The following LSAMP variants were observed in gnomAD, a reference collection of about 807,000 sequenced individuals.
LSAMP encodes limbic system associated membrane protein.
In LSAMP, 7 loss-of-function variants were observed where a neutral mutation model predicts 38.6. The observed-to-expected ratio is 0.18, with a 90% CI of 0.10 to 0.34. The LOEUF (loss-of-function observed/expected upper bound fraction) is 0.34, where lower values mean the gene tolerates loss of function less well. LSAMP is among the 10% of genes least tolerant of loss of function. The pLI is 1.00. For synonymous variants in LSAMP, 154 were observed against 166.8 expected, an observed-to-expected ratio of 0.92 and a Z score of 0.59; for missense variants, 313 against 420.0, an observed-to-expected ratio of 0.75 and a Z score of 2.23.
intron 1 of LSAMP, among the ~76,000 whole-genome samples, chr3:116,384,355 C>T (rs2048599095): frequency 6.6e-6 from 1 of 152,092 alleles, no homozygotes; most frequent in Admixed American, 6.6e-5. Context: ...TTGTTCTCAA[C>T]AGTCTGTACA....
At chr3:116,109,926 G>A (rs894040601) in intron 1 of LSAMP, among the ~76,000 whole-genome samples, 13 of 149,962 alleles carry the variant, frequency 8.7e-5, no homozygotes, top group South Asian at 6.3e-4. Flanking sequence ...GATGGGGTGC[G>A]GAAATAAGGG....
chr3:116,285,295 T>C (rs746169827), intron 1 of LSAMP, among the ~76,000 whole-genome samples: 3 of 152,112 alleles, frequency 2.0e-5, no homozygotes, highest in Non-Finnish European at 2.9e-5. Flanking sequence ...CCTATGTCTC[T>C]ACAGGAGGTG....
At chr3:116,319,088 A>G (rs529310551) in intron 1 of LSAMP, among the ~76,000 whole-genome samples, 2 of 152,242 alleles carry the variant, frequency 1.3e-5, no homozygotes, top group South Asian at 4.1e-4. Context: ...TAATGCAAAC[A>G]GTAATTAGTA....
intron 3 of LSAMP, among the ~76,000 whole-genome samples, chr3:115,960,337 G>A (rs905833618): frequency 6.6e-6 from 1 of 152,176 alleles, no homozygotes; most frequent in Non-Finnish European, 1.5e-5. Flanking sequence ...AGAAATGTGA[G>A]GAAATACATT....
intron 1 of LSAMP, among the ~76,000 whole-genome samples, chr3:116,277,650 C>A (rs541867765): frequency 6.6e-6 from 1 of 152,118 alleles, no homozygotes; most frequent in South Asian, 2.1e-4. Context: ...GGATTACAGG[C>A]GTGAGCCACT....
At chr3:116,216,304 G>A (rs538671559) in intron 1 of LSAMP, among the ~76,000 whole-genome samples, 2 of 152,204 alleles carry the variant, frequency 1.3e-5, no homozygotes, top group Admixed American at 6.5e-5. Context: ...ACTCTGTAAC[G>A]GATCCTCTTT....
At chr3:116,317,635 G>A (rs1323145569) in intron 1 of LSAMP, among the ~76,000 whole-genome samples, 3 of 151,940 alleles carry the variant, frequency 2.0e-5, no homozygotes, top group African/African-American at 4.8e-5. Flanking sequence ...GATTACAGGC[G>A]TGAGCCCCCG....
At chr3:116,173,836 T>G (rs957534142) in intron 1 of LSAMP, among the ~76,000 whole-genome samples, 8 of 151,876 alleles carry the variant, frequency 5.3e-5, no homozygotes, top group Non-Finnish European at 1.2e-4. Context: ...TCTTGCCTTC[T>G]TCCTCTTCTT....
chr3:116,302,701 G>C (rs2047426377), intron 1 of LSAMP, among the ~76,000 whole-genome samples: 1 of 152,074 alleles, frequency 6.6e-6, no homozygotes, highest in Admixed American at 6.6e-5. Flanking sequence ...TGTTTTCTTT[G>C]AAAACCATTC....
At chr3:115,994,135 A>C (rs1224733125) in intron 3 of LSAMP, among the ~76,000 whole-genome samples, 2 of 152,112 alleles carry the variant, frequency 1.3e-5, no homozygotes, top group Non-Finnish European at 2.9e-5. Context: ...AGCAATGAAG[A>C]GAGTGACTTC....
chr3:116,385,799 G>A (rs1301804582), intron 1 of LSAMP, among the ~76,000 whole-genome samples: 2 of 152,132 alleles, frequency 1.3e-5, no homozygotes, highest in Non-Finnish European at 2.9e-5. Flanking sequence ...TACTGTTTGG[G>A]GTAGTGTTTT....
chr3:116,249,466 A>G (rs1576459596), intron 1 of LSAMP, among the ~76,000 whole-genome samples: 1 of 151,504 alleles, frequency 6.6e-6, no homozygotes, highest in African/African-American at 2.4e-5. Flanking sequence ...GCTCGCTACA[A>G]CCTCTGTCTC....
At chr3:116,083,983 C>G (rs1172103227) in intron 2 of LSAMP, among the ~76,000 whole-genome samples, 1 of 152,118 alleles carries the variant, frequency 6.6e-6, no homozygotes, top group African/African-American at 2.4e-5. Context: ...CTTTATCCCC[C>G]TTGTAAGTAC....
intron 1 of LSAMP, among the ~76,000 whole-genome samples, chr3:116,284,374 T>C (rs1242077976): frequency 6.6e-6 from 1 of 152,232 alleles, no homozygotes; most frequent in Non-Finnish European, 1.5e-5. Flanking sequence ...TTTGTGATTC[T>C]TTTTTAAAAA....
intron 3 of LSAMP, among the ~76,000 whole-genome samples, chr3:115,892,462 T>A (rs985532256): frequency 6.6e-6 from 1 of 151,908 alleles, no homozygotes; most frequent in Non-Finnish European, 1.5e-5. Flanking sequence ...AACACTAAGT[T>A]GAGTGAGAGA....
chr3:116,298,761 T>TA (rs544193361), intron 1 of LSAMP, among the ~76,000 whole-genome samples: 87 of 152,314 alleles, frequency 5.7e-4, no homozygotes, highest in Middle Eastern at 6.8e-3. Flanking sequence ...ATTAAGCACT[T>TA]ACAATTTTTG....
rs576593798 is a variant in LSAMP at position 115,853,442 on chromosome 3, G to C, written c.515-825C>G. Among the ~76,000 whole-genome samples, 4 of 152,020 alleles carry C rather than the reference G, an allele frequency of 2.6e-5. No individual in the cohort carries two copies. In the South Asian group the frequency reaches 8.3e-4, roughly 32 times the overall value. ...TAAAAGTTGGGATTAGGTATAGGGA[G>C]GTCCTGTTTGGAAAGATCTACATAG... On this transcript the variant is annotated intron_variant, in intron 3 of 6. Coordinates refer to ENST00000490035, the MANE Select transcript of LSAMP (RefSeq NM_002338.5).
chr3:116,402,672 G>A (rs1685563998), intron 1 of LSAMP, among the ~76,000 whole-genome samples: 1 of 151,920 alleles, frequency 6.6e-6, no homozygotes, highest in South Asian at 2.1e-4. Flanking sequence ...ATATATGCGA[G>A]TATATGCACA....
intron 1 of LSAMP, among the ~76,000 whole-genome samples, chr3:116,121,874 AT>A (rs1208390124): frequency 7.1e-6 from 1 of 140,894 alleles, no homozygotes; most frequent in Admixed American, 7.3e-5. Context: ...ACATTATGAG[AT>A]TTTTTTGTGA....
Sources: gnomAD v4.1 joint callset for allele counts (sites outside exome capture counted in the v4.1 genomes callset) on GRCh38, gnomAD v4.1.1 for gene constraint, MANE v1.5 for transcripts, NCBI Gene and HGNC (gene_info 2026-07-23, HGNC 2026-07-21) for gene names.